The following INTS9 variants were observed in gnomAD, a reference collection of about 807,000 sequenced individuals.
The protein encoded by INTS9 is protein related to CPSF subunits of 74 kDa.
In INTS9, 55 loss-of-function variants were observed where a neutral mutation model predicts 79.7. The observed-to-expected ratio is 0.69, with a 90% CI of 0.56 to 0.86. The LOEUF (loss-of-function observed/expected upper bound fraction) is 0.86, where lower values mean the gene tolerates loss of function less well. Among genes scored for constraint, INTS9 ranks in the 40% least tolerant of loss-of-function variants. The pLI, the probability that INTS9 is intolerant of heterozygous loss-of-function variation, is 0.00. For synonymous variants in INTS9, 319 were observed against 325.2 expected (o/e 0.98, Z 0.20); for missense variants, 721 against 831.5 (o/e 0.87, Z 1.64).
chr8:28,780,824 C>G lies in INTS9; in HGVS notation c.1269G>C (p.Thr423=). The G allele has an allele frequency of 6.2e-7, 1 of 1,613,298 alleles. No individual in the cohort carries two copies. Among genetic ancestry groups the G allele is most frequent in the Non-Finnish European group, 8.5e-7 (1 of 1,179,574 alleles). Residue 423 remains threonine, a splice_region_variant and synonymous_variant, in exon 12 of 17, where the codon ACG becomes ACC. Transcript: ENST00000521022. ...GKSSLNTVIF[T]EPDFSYLEAL... The stretch of plus-strand genomic sequence containing the variant: ...TGTTTCTTTATTTTTTTCACTTACC[C>G]GTGAATATGACGGTATTGAGACTAG...
chr8:28,827,770 A>G (rs926898743), intron 6 of INTS9, among the ~76,000 whole-genome samples: 3 of 152,228 alleles, frequency 2.0e-5, no homozygotes, highest in Admixed American at 1.3e-4. Context: ...GAGCAACTCA[A>G]CTATCTTTGC....
intron 11 of INTS9, among the ~76,000 whole-genome samples, chr8:28,782,643 C>T (rs1803349414): frequency 6.6e-6 from 1 of 152,212 alleles, no homozygotes; most frequent in Admixed American, 6.5e-5. Flanking sequence ...GGGCTAGGCA[C>T]AATGGCTTAC....
chr8:28,847,494 C>T (rs943302726), intron 3 of INTS9, among the ~76,000 whole-genome samples: 1 of 152,126 alleles, frequency 6.6e-6, no homozygotes, highest in Non-Finnish European at 1.5e-5. Flanking sequence ...ACCTCCACCA[C>T]AACCACCACT....
chr8:28,841,277 A>G (rs1807167650), intron 4 of INTS9, among the ~76,000 whole-genome samples: 1 of 152,160 alleles, frequency 6.6e-6, no homozygotes, highest in East Asian at 1.9e-4. Flanking sequence ...TGCTGGTCCT[A>G]CTCTCCACTA....
At chr8:28,768,957 AAC>A (rs999763561) in intron 16 of INTS9, among the ~76,000 whole-genome samples, 15 of 152,272 alleles carry the variant, frequency 9.9e-5, no homozygotes, top group African/African-American at 3.1e-4. Context: ...GCCGGGGTGG[AAC>A]ACTGGGTCAG....
intron 1 of INTS9, among the ~76,000 whole-genome samples, chr8:28,866,258 AT>A (rs1259536805): frequency 6.6e-6 from 1 of 152,122 alleles, no homozygotes; most frequent in Non-Finnish European, 1.5e-5. Flanking sequence ...ATCCTAACTC[AT>A]GGTGGATTTC....
intron 6 of INTS9, among the ~76,000 whole-genome samples, chr8:28,828,046 T>C (rs1320948079): frequency 1.3e-5 from 2 of 152,204 alleles, no homozygotes; most frequent in South Asian, 4.1e-4. Flanking sequence ...CCCAACCAGC[T>C]GTGATTACTC....
At chr8:28,871,125 G>A (rs961036816) in intron 1 of INTS9, among the ~76,000 whole-genome samples, 6 of 152,250 alleles carry the variant, frequency 3.9e-5, no homozygotes, top group African/African-American at 7.2e-5. Context: ...TAGTCACACC[G>A]GTAGTAAGTT....
intron 1 of INTS9, among the ~76,000 whole-genome samples, chr8:28,880,153 A>G (rs1809624198): frequency 1.3e-5 from 2 of 152,232 alleles, no homozygotes. Flanking sequence ...AATAGAGGAA[A>G]GAAGACTTAT....
chr8:28,869,012 T>C lies in INTS9; in HGVS notation c.10-9449A>G, dbSNP rs189651192. On this transcript the variant is annotated intron_variant, in intron 1 of 16. Transcript: ENST00000521022. ...TACTTGGGAGGCTGAGGCAGGAGAA[T>C]AGCTTGAGGAGGCAGAGGTTGCAGT... is the stretch of plus-strand genomic sequence containing the variant. Among the ~76,000 whole-genome samples, 315 of 151,962 alleles carry C rather than the reference T, an allele frequency of 2.1e-3. 1 individual carries two copies. The highest frequency in any genetic ancestry group is 7.2e-3 in the African/African-American group (299 of 41,454).
chr8:28,828,795 T>A (rs185326433), intron 6 of INTS9, among the ~76,000 whole-genome samples: 58 of 151,866 alleles, frequency 3.8e-4, no homozygotes, highest in African/African-American at 1.4e-3. Context: ...ACCTCCCAGG[T>A]TCAAGCGATT....
chr8:28,780,558 T>C (rs1803195674), intron 12 of INTS9: 6 of 985,424 alleles, frequency 6.1e-6, no homozygotes, highest in African/African-American at 1.7e-5. Flanking sequence ...GCTTACGATA[T>C]CCTAGCAAAA....
In INTS9 at chr8:28,793,975, C is replaced by T. The variant is rs779041735; in HGVS notation, c.869G>A (p.Arg290Gln). 46 of 1,592,434 alleles carry T rather than the reference C, an allele frequency of 2.9e-5. 1 individual carries two copies. The highest frequency in any genetic ancestry group is 1.9e-4 in the South Asian group (17 of 88,058). Reference sequence around the variant, plus strand: ...GGGAACCAACACGTTTCCTCCATTCCGGACTGTCAGAGCTAGAAAAGTGGA... The same window carrying T: ...GGGAACCAACACGTTTCCTCCATTCTGGACTGTCAGAGCTAGAAAAGTGGA... ...EFCSNLALTV[R>Q]NGGNVLVPCY... The change falls in exon 10 of 17, where the codon CGG (arginine) becomes CAG (glutamine). Residue 290 changes from arginine to glutamine, a missense_variant. Arg to Gln is a conservative substitution (Grantham distance 43). Transcript: ENST00000521022.
intron 4 of INTS9, among the ~76,000 whole-genome samples, chr8:28,838,022 A>G (rs981514148): frequency 1.3e-5 from 2 of 152,054 alleles, no homozygotes; most frequent in Admixed American, 6.6e-5. Context: ...TTACTAGAAC[A>G]GAATTCTTCT....
At chr8:28,814,314 A>G (rs1013246726) in intron 6 of INTS9, among the ~76,000 whole-genome samples, 3 of 149,826 alleles carry the variant, frequency 2.0e-5, no homozygotes, top group Non-Finnish European at 4.4e-5. Context: ...ACACACACAC[A>G]CACACACACA....
At position 28,775,700 on chromosome 8, in the gene INTS9, G is replaced by A. The variant is rs1016234055; in HGVS notation, c.1563+59C>T. ...ATCCAAAAGAAGGCCACCCCTGCACGATCTCCAAGAGCCTCTGTGGAAAGC... is the reference window on the plus strand; with the variant it reads ...ATCCAAAAGAAGGCCACCCCTGCACAATCTCCAAGAGCCTCTGTGGAAAGC... On this transcript the variant is annotated intron_variant, in intron 14 of 16. Transcript: ENST00000521022. 52 of 1,566,562 alleles carry A rather than the reference G, an allele frequency of 3.3e-5. No individual in the cohort carries two copies. In the African/African-American group the frequency reaches 4.9e-4, roughly 15 times the overall value.
chr8:28,859,245 G>C (rs1808327590), intron 2 of INTS9, among the ~76,000 whole-genome samples, 191 bp downstream of exon 2: 1 of 152,156 alleles, frequency 6.6e-6, no homozygotes, highest in African/African-American at 2.4e-5. Flanking sequence ...TTATAATAAA[G>C]AAGCCAATCA....
chr8:28,885,312 CCTTT>C (rs1810124351), intron 1 of INTS9, among the ~76,000 whole-genome samples: 1 of 152,210 alleles, frequency 6.6e-6, no homozygotes, highest in African/African-American at 2.4e-5. Context: ...AAATGACCTT[CCTTT>C]AAGACTTTTA....
chr8:28,850,920 T>A (rs1227407580), intron 2 of INTS9, among the ~76,000 whole-genome samples: 1 of 152,220 alleles, frequency 6.6e-6, no homozygotes, highest in Non-Finnish European at 1.5e-5. Flanking sequence ...ATGTATATGT[T>A]ACATTTTAAA....
Sources: gnomAD v4.1 joint callset for allele counts (sites outside exome capture counted in the v4.1 genomes callset) on GRCh38, gnomAD v4.1.1 for gene constraint, MANE v1.5 for transcripts, NCBI Gene and HGNC (gene_info 2026-07-23, HGNC 2026-07-21) for gene names.